Variants in NUP205 observed in about 807,000 individuals in gnomAD.
NUP205 encodes the protein nuclear pore complex protein Nup205.
In NUP205, 76 loss-of-function variants were observed where a neutral mutation model predicts 253.8. That is an observed-to-expected ratio of 0.30 (90% CI 0.25 to 0.36). The LOEUF is 0.36. Ranked by LOEUF, NUP205 falls within the 10% of genes least tolerant of loss-of-function variation. NUP205 has a pLI of 1.00. For synonymous variants in NUP205, 832 were observed against 850.1 expected, an observed-to-expected ratio of 0.98 and a Z score of 0.37; for missense variants, 2,162 against 2,425.5, an observed-to-expected ratio of 0.89 and a Z score of 2.28.
At chr7:135,606,012 A>G in intron 19 of NUP205, 133 bp from the exon 20 acceptor site, 1 of 598,328 alleles carries the variant, frequency 1.7e-6, no homozygotes, top group Non-Finnish European at 2.9e-6. Context: ...TAAAAATGTA[A>G]CTAAAACGTA....
rs755797968 is a variant in NUP205 at position 135,622,777 on chromosome 7, C to G, written c.4331C>G (p.Ala1444Gly). 3.7e-5 allele frequency: 60 copies of G among 1,612,378 alleles called. No homozygotes were observed. The highest frequency in any genetic ancestry group is 1.6e-4 in the Middle Eastern group (1 of 6,084). Residue 1444 changes from alanine to glycine, a missense_variant and splice_region_variant, in exon 31 of 43, where the codon GCC becomes GGC. Physicochemically the swap from Ala to Gly is moderately conservative, Grantham distance 60. Transcript: ENST00000285968. ...TTTTTTTCTGTTTTAATCCTTTTAGCCAAGAAAACCATGTGGGAAAGGCTG... is the reference window on the plus strand; with the variant it reads ...TTTTTTTCTGTTTTAATCCTTTTAGGCAAGAAAACCATGTGGGAAAGGCTG... ...RPDEPDTLEA[A>G]KKTMWERLTA...
chr7:135,639,605 T>A (rs908111772), intron 38 of NUP205, among the ~76,000 whole-genome samples: 1 of 151,340 alleles, frequency 6.6e-6, no homozygotes, highest in African/African-American at 2.4e-5. Flanking sequence ...GCAGGAGAAT[T>A]GCTTGAACCC....
rs1324476014 is a variant in NUP205 at position 135,648,505 on chromosome 7, A to G, written c.5988A>G (p.Ile1996Met). 5 of 1,605,336 alleles carry G rather than the reference A, an allele frequency of 3.1e-6. No individual in the cohort carries two copies. The highest frequency in any genetic ancestry group is 2.2e-5 in the South Asian group (2 of 89,640). The change falls in exon 43 of 43, where the codon ATA becomes ATG. Residue 1996 changes from isoleucine (I) to methionine (M), a missense_variant. Ile to Met is a conservative substitution (Grantham distance 10). Coordinates refer to ENST00000285968, the MANE Select transcript of NUP205 (RefSeq NM_015135.3). The stretch of plus-strand genomic sequence containing the variant: ...AAGTTCGATCTCGATATAGTTTCAT[A>G]CAGGCTCTTGTCAGACGTATCCGTG... ...YSKVRSRYSF[I>M]QALVRRIRGL...
At chr7:135,576,516 T>C in intron 4 of NUP205, 102 bp downstream of exon 4, 1 of 933,088 alleles carries the variant, frequency 1.1e-6, no homozygotes, top group African/African-American at 1.6e-5. Context: ...TAACATAAGC[T>C]GAGTAATATA....
chr7:135,572,103 CCTGCCTTGGTCTCA>C (rs145875392), intron 2 of NUP205, among the ~76,000 whole-genome samples: 3,811 of 152,218 alleles, frequency 0.025, 80 homozygotes, highest in South Asian at 0.077. Context: ...AGGTGATCTT[CCTGCCTTGGTCTCA>C]AAAAGTGTTG....
chr7:135,644,158 G>A (rs1021179448), intron 39 of NUP205, among the ~76,000 whole-genome samples: 21 of 152,310 alleles, frequency 1.4e-4, no homozygotes, highest in Non-Finnish European at 2.9e-4. Context: ...CATTTCTCAT[G>A]TGAGGAAACT....
intron 41 of NUP205, 31 bp from the exon 42 acceptor site, chr7:135,646,127 A>G (rs1402236902): frequency 2.0e-6 from 3 of 1,476,462 alleles, no homozygotes; most frequent in Non-Finnish European, 1.9e-6. Flanking sequence ...GTACTTGCAC[A>G]GCCGGTATGA....
Position 135,617,169 on chromosome 7 carries a change from T to G in NUP205, c.3612T>G (p.Phe1204Leu). 1 of 1,613,970 alleles carries G rather than the reference T, an allele frequency of 6.2e-7. No individual in the cohort carries two copies. Among genetic ancestry groups the G allele is most frequent in the East Asian group, 2.2e-5 (1 of 44,874 alleles). The change falls in exon 26 of 43, where the codon TTT (phenylalanine) becomes TTG (leucine). Residue 1204 changes from phenylalanine to leucine, a missense_variant. Coordinates refer to ENST00000285968, the MANE Select transcript of NUP205 (RefSeq NM_015135.3). ...EIPEPLQLDFFDRAQIEQVIA... is the reference protein window; with the variant it reads ...EIPEPLQLDFLDRAQIEQVIA... The stretch of plus-strand genomic sequence containing the variant: ...CTGAGCCTTTGCAGTTGGATTTTTT[T>G]GATCGGGCCCAGATTGAACAAGTTA...
At chr7:135,640,147 G>A (rs149693898) in intron 38 of NUP205, among the ~76,000 whole-genome samples, 2,654 of 152,230 alleles carry the variant, frequency 0.017, 37 homozygotes, top group Non-Finnish European at 0.028. Context: ...GATAGGTGCA[G>A]CAAACCACCA....
intron 34 of NUP205, among the ~76,000 whole-genome samples, chr7:135,629,834 A>G (rs953153670): frequency 6.6e-6 from 1 of 152,112 alleles, no homozygotes; most frequent in African/African-American, 2.4e-5. Flanking sequence ...TCCTATCTCT[A>G]TTATAATAAA....
chr7:135,604,939 A>G (rs1385557188), intron 19 of NUP205, among the ~76,000 whole-genome samples: 2 of 151,226 alleles, frequency 1.3e-5, no homozygotes, highest in Non-Finnish European at 2.9e-5. Flanking sequence ...TTCAAGTTAT[A>G]ATAGTTCTGT....
intron 7 of NUP205, among the ~76,000 whole-genome samples, chr7:135,579,962 A>G (rs549949586): frequency 1.1e-3 from 170 of 152,306 alleles, no homozygotes; most frequent in African/African-American, 3.5e-3. Flanking sequence ...CTGACTTTTA[A>G]CAACCTGTTA....
At chr7:135,643,691 C>T (rs561946710) in intron 39 of NUP205, among the ~76,000 whole-genome samples, 9 of 152,050 alleles carry the variant, frequency 5.9e-5, no homozygotes, top group Non-Finnish European at 1.3e-4. Flanking sequence ...GGGTAAATGT[C>T]TCTGTGCCTT....
intron 22 of NUP205, among the ~76,000 whole-genome samples, chr7:135,609,167 G>T (rs1794165609): frequency 6.7e-6 from 1 of 149,952 alleles, no homozygotes; most frequent in Non-Finnish European, 1.5e-5. Flanking sequence ...CAATTTAAGT[G>T]TTACCCTAAA....
chr7:135,580,074 C>T (rs1170194433), intron 7 of NUP205, among the ~76,000 whole-genome samples: 1 of 152,182 alleles, frequency 6.6e-6, no homozygotes, highest in Non-Finnish European at 1.5e-5. Flanking sequence ...ACATGGAACA[C>T]GAAGCCCAAA....
At chr7:135,619,183 G>C (rs1214339536) in intron 28 of NUP205, among the ~76,000 whole-genome samples, 2 of 151,932 alleles carry the variant, frequency 1.3e-5, no homozygotes, top group African/African-American at 4.8e-5. Context: ...GGGCAACATA[G>C]TGAGATTCCA....
At chr7:135,593,327 C>T (rs2129490300) in intron 12 of NUP205, 135 bp downstream of exon 12, 1 of 792,976 alleles carries the variant, frequency 1.3e-6, no homozygotes, top group South Asian at 1.9e-5. Flanking sequence ...GCATTCTGCC[C>T]TTAAGTTTTT....
At chr7:135,564,407 C>T (rs1254661089) in intron 1 of NUP205, among the ~76,000 whole-genome samples, 2 of 151,602 alleles carry the variant, frequency 1.3e-5, no homozygotes, top group African/African-American at 4.9e-5. Flanking sequence ...CCACCATGCC[C>T]AGCTAATTTT....
At chr7:135,624,672 C>T (rs910591021) in intron 31 of NUP205, among the ~76,000 whole-genome samples, 23 of 152,058 alleles carry the variant, frequency 1.5e-4, no homozygotes, top group African/African-American at 5.3e-4. Context: ...CCACCGCTCC[C>T]GGCCTAATTT....
Sources: gnomAD v4.1 joint callset for allele counts (sites outside exome capture counted in the v4.1 genomes callset) on GRCh38, gnomAD v4.1.1 for gene constraint, MANE v1.5 for transcripts, NCBI Gene and HGNC (gene_info 2026-07-23, HGNC 2026-07-21) for gene names.